The following DNAAF9 variants were observed in gnomAD, a reference collection of about 807,000 sequenced individuals.
DNAAF9 encodes the protein shulin.
A neutral mutation model predicts 167.0 loss-of-function variants in DNAAF9; 90 were observed. The observed-to-expected ratio is 0.54, with a 90% CI of 0.45 to 0.64. The LOEUF (loss-of-function observed/expected upper bound fraction) is 0.64. Ranked by LOEUF, DNAAF9 falls within the 30% of genes least tolerant of loss-of-function variation. The pLI is 0.00. For missense variants in DNAAF9, 1,315 were observed against 1,442.2 expected, an observed-to-expected ratio of 0.91 and a Z score of 1.43; for synonymous variants, 491 against 508.8, an observed-to-expected ratio of 0.96 and a Z score of 0.47.
chr20:3,310,333 A>AAGAAAGAAAGAAAGAAAG (rs1555790605), intron 20 of DNAAF9, among the ~76,000 whole-genome samples: 14 of 106,182 alleles, frequency 1.3e-4, no homozygotes, highest in African/African-American at 5.2e-4. Flanking sequence ...AAGAGAAAGA[A>AAGAAAGAAAGAAAGAAAG]AAAGAAAGAA....
intron 2 of DNAAF9, 81 bp from the exon 3 acceptor site, chr20:3,381,579 A>C: frequency 7.0e-7 from 1 of 1,427,970 alleles, no homozygotes. Context: ...TGCTTAGCAA[A>C]ACCCTGATGA....
Position 3,318,276 on chromosome 20 carries a change from C to T in DNAAF9, c.1468+13G>A. 1 of 1,117,366 alleles carries T rather than the reference C, an allele frequency of 8.9e-7. No homozygotes were observed. Among genetic ancestry groups the T allele is most frequent in the Non-Finnish European group, 1.3e-6 (1 of 743,292 alleles). 69.2% of individuals were successfully genotyped at this position (1,117,366 alleles called of 1,614,324 possible). A position where few individuals can be genotyped will look rare whatever the true frequency, so the allele number is the denominator to read the frequency against. ...GGCTTAAGGTTTGCTTTCTAAAGAT[C>T]ACATATACTTACCCTTTTCTTTAAC... On this transcript the variant is annotated intron_variant, in intron 17 of 36. Coordinates refer to ENST00000252032, the MANE Select transcript of DNAAF9 (RefSeq NM_001009984.3).
At chr20:3,302,553 A>G (rs773545541) in intron 21 of DNAAF9, among the ~76,000 whole-genome samples, 17 of 152,152 alleles carry the variant, frequency 1.1e-4, no homozygotes, top group Non-Finnish European at 1.9e-4. Flanking sequence ...TGCATTACTA[A>G]TTAGTCTGAC....
chr20:3,398,736 T>G (rs936831810), intron 1 of DNAAF9, among the ~76,000 whole-genome samples: 1 of 152,208 alleles, frequency 6.6e-6, no homozygotes, highest in Non-Finnish European at 1.5e-5. Flanking sequence ...AGACTTTCGG[T>G]GCTGATTAAA....
chr20:3,394,942 C>CTTTT lies in DNAAF9; in HGVS notation c.84-12440_84-12437dup, dbSNP rs1258382355. Among the ~76,000 whole-genome samples, 654 of 88,992 alleles carry CTTTT rather than the reference C, an allele frequency of 7.3e-3. 95 individuals are homozygous for CTTTT. Among genetic ancestry groups the CTTTT allele is most frequent in the Non-Finnish European group, 8.8e-3 (378 of 42,836 alleles). The allele number at this position is 88,992 out of a possible 152,430, so 58.4% of individuals were successfully genotyped here. On this transcript the variant is annotated intron_variant, in intron 1 of 36. Transcript: ENST00000252032. Reference sequence around the variant, plus strand: ...TTCCATGGCTTTTACTGAACATTTTCTTTTTTCTTTTTTTTTTTTTTTTTT... The same window carrying CTTTT: ...TTCCATGGCTTTTACTGAACATTTTCTTTTTTTTTTCTTTTTTTTTTTTTTTTTT...
At chr20:3,352,022 G>C (rs568078377) in intron 7 of DNAAF9, among the ~76,000 whole-genome samples, 4 of 151,962 alleles carry the variant, frequency 2.6e-5, no homozygotes, top group Non-Finnish European at 5.9e-5. Flanking sequence ...GCCTCCCAAA[G>C]TGCTGGGATT....
At chr20:3,264,594 G>A (rs1046211889) in intron 30 of DNAAF9, 70 bp from the exon 31 acceptor site, 31 of 823,112 alleles carry the variant, frequency 3.8e-5, no homozygotes, top group East Asian at 2.3e-4. Flanking sequence ...TTCTTGAGAC[G>A]GAGTCTCGCT....
At chr20:3,262,745 T>C (rs1600664661) in intron 31 of DNAAF9, among the ~76,000 whole-genome samples, 2 of 152,166 alleles carry the variant, frequency 1.3e-5, no homozygotes, top group Admixed American at 6.5e-5. Flanking sequence ...TCAGTGGCTG[T>C]AGCCACTGGA....
chr20:3,359,505 T>C lies in DNAAF9; in HGVS notation c.690+11A>G, dbSNP rs756016783. 6.3e-7 allele frequency: 1 copy of C among 1,581,868 alleles called. No individual in the cohort carries two copies. The highest frequency in any genetic ancestry group is 8.7e-7 in the Non-Finnish European group (1 of 1,153,620). On this transcript the variant is annotated intron_variant, in intron 7 of 36. Coordinates refer to ENST00000252032, the MANE Select transcript of DNAAF9 (RefSeq NM_001009984.3). ...ATACTAATATTTAAAAGTTACTGTT[T>C]GGCTCCTTACATCTGAAAGCAAACT...
At chr20:3,348,293 C>T (rs950840393) in intron 8 of DNAAF9, among the ~76,000 whole-genome samples, 2 of 151,982 alleles carry the variant, frequency 1.3e-5, no homozygotes, top group African/African-American at 4.8e-5. Flanking sequence ...TTCCTGGCAC[C>T]ACCACACTGC....
chr20:3,332,439 G>A, intron 10 of DNAAF9, 78 bp from the exon 11 acceptor site: 1 of 719,638 alleles, frequency 1.4e-6, no homozygotes, highest in Non-Finnish European at 2.4e-6. Flanking sequence ...AAAGTATAGA[G>A]TCAATGGAAA....
chr20:3,395,266 T>C (rs239484), intron 1 of DNAAF9, among the ~76,000 whole-genome samples: 108,022 of 147,880 alleles, frequency 0.73, 40,585 homozygotes, highest in African/African-American at 0.8. Flanking sequence ...CCACCGCGCC[T>C]GGCCGAACAT....
chr20:3,280,966 A>C (rs2068754771), intron 28 of DNAAF9, among the ~76,000 whole-genome samples: 2 of 151,998 alleles, frequency 1.3e-5, no homozygotes, highest in African/African-American at 4.8e-5. Flanking sequence ...ACCCAATTTT[A>C]GCCTTATTTC....
chr20:3,279,308 C>G (rs2068727797), intron 28 of DNAAF9, among the ~76,000 whole-genome samples: 1 of 152,182 alleles, frequency 6.6e-6, no homozygotes, highest in South Asian at 2.1e-4. Flanking sequence ...AAGAATTACA[C>G]TCATCTAACT....
intron 29 of DNAAF9, among the ~76,000 whole-genome samples, chr20:3,275,830 A>G (rs1017524227): frequency 6.6e-6 from 1 of 152,234 alleles, no homozygotes; most frequent in Non-Finnish European, 1.5e-5. Context: ...CCTATTCCCA[A>G]GAGCAGAGAA....
intron 16 of DNAAF9, 21 bp from the exon 17 acceptor site, chr20:3,318,421 G>C (rs1287358918): frequency 8.3e-7 from 1 of 1,209,170 alleles, no homozygotes; most frequent in African/African-American, 1.5e-5. Context: ...TGAGAAACCA[G>C]TTAGATCAGT....
At chr20:3,382,582 A>G (rs780527936) in intron 1 of DNAAF9, 76 bp from the exon 2 acceptor site, 95 of 1,112,070 alleles carry the variant, frequency 8.5e-5, no homozygotes, top group Non-Finnish European at 1.1e-4. Context: ...GTGTCCCACA[A>G]TGGAGTCATG....
intron 29 of DNAAF9, among the ~76,000 whole-genome samples, chr20:3,276,483 T>C (rs2068677719): frequency 6.6e-6 from 1 of 152,212 alleles, no homozygotes; most frequent in African/African-American, 2.4e-5. Flanking sequence ...TGGAAGGCAG[T>C]ATAAATGAAA....
At chr20:3,403,109 CCT>C (rs924853124) in intron 1 of DNAAF9, among the ~76,000 whole-genome samples, 71 of 152,182 alleles carry the variant, frequency 4.7e-4, no homozygotes, top group African/African-American at 1.5e-3. Flanking sequence ...ACAATCTTTA[CCT>C]CTCAGTGCCT....
Sources: allele counts gnomAD v4.1 joint callset (sites outside exome capture counted in the v4.1 genomes callset), GRCh38; gene constraint gnomAD v4.1.1; transcripts MANE v1.5; gene names NCBI Gene and HGNC (gene_info 2026-07-23, HGNC 2026-07-21).